The following PCDHA12 variants were observed in gnomAD, a reference collection of about 807,000 sequenced individuals.
PCDHA12 encodes protocadherin alpha-12.
A neutral mutation model predicts 60.0 loss-of-function variants in PCDHA12; 44 were observed. The ratio of observed to expected loss-of-function variants is 0.73; its 90% CI spans 0.58 to 0.94. The LOEUF is 0.94. PCDHA12 is among the 40% of genes least tolerant of loss of function. The pLI is 0.00. For synonymous variants in PCDHA12, 569 were observed against 553.0 expected (o/e 1.03, Z -0.40); for missense variants, 1,276 against 1,239.7 (o/e 1.03, Z -0.44).
intron 1 of PCDHA12, among the ~76,000 whole-genome samples, chr5:140,960,137 T>C (rs2095528767): frequency 6.6e-6 from 1 of 152,232 alleles, no homozygotes; most frequent in African/African-American, 2.4e-5. Flanking sequence ...AATACTTAGA[T>C]ATTAATAGCT....
At chr5:140,941,196 TTTCTTC>T (rs1563183935) in intron 1 of PCDHA12, among the ~76,000 whole-genome samples, 3 of 111,280 alleles carry the variant, frequency 2.7e-5, no homozygotes, top group East Asian at 2.3e-4. Context: ...TTTTTTTTTC[TTTCTTC>T]CTTTCTTTCT....
At chr5:140,920,868 T>C (rs1248971730) in intron 1 of PCDHA12, among the ~76,000 whole-genome samples, 4 of 149,716 alleles carry the variant, frequency 2.7e-5, no homozygotes, top group Non-Finnish European at 1.5e-5. Context: ...ACAAACAAAC[T>C]GTGGCCCTTA....
intron 2 of PCDHA12, among the ~76,000 whole-genome samples, chr5:140,980,920 A>T (rs1040099192): frequency 1.3e-5 from 2 of 152,166 alleles, no homozygotes; most frequent in African/African-American, 4.8e-5. Context: ...TCTTTAAAAA[A>T]TTCTGCTTTG....
chr5:140,916,068 C>G (rs928159450), intron 1 of PCDHA12, among the ~76,000 whole-genome samples: 1 of 152,166 alleles, frequency 6.6e-6, no homozygotes, highest in African/African-American at 2.4e-5. Context: ...TCCCTGTGGC[C>G]AGTACTACCA....
At chr5:140,955,163 TTTGG>T (rs1445630947) in intron 1 of PCDHA12, among the ~76,000 whole-genome samples, 2 of 152,184 alleles carry the variant, frequency 1.3e-5, no homozygotes, top group Admixed American at 6.5e-5. Flanking sequence ...ACCGTGCTGT[TTTGG>T]TTACTGTAGT....
chr5:140,882,169 C>A, intron 1 of PCDHA12: 1 of 1,511,484 alleles, frequency 6.6e-7, no homozygotes, highest in Non-Finnish European at 8.8e-7. Flanking sequence ...TCTTGCGAAT[C>A]CTTCCGCACT....
intron 1 of PCDHA12, chr5:140,967,445 C>T (rs782571799): frequency 3.1e-6 from 5 of 1,613,550 alleles, no homozygotes; most frequent in Non-Finnish European, 4.2e-6. Flanking sequence ...CCACCTGGTT[C>T]TCACAGCCGT....
At position 140,928,265 on chromosome 5, in the gene PCDHA12, A is replaced by G. The variant is rs1208273188; in HGVS notation, c.2367+50426A>G. ...CAGGAACTTTTCGTTGCTGAAAACA[A>G]TGGCCCTGGGGCCTCTCTAGGCCGA... On this transcript the variant is annotated intron_variant, in intron 1 of 3. Coordinates refer to ENST00000398631, the MANE Select transcript of PCDHA12 (RefSeq NM_018903.4). The G allele has an allele frequency of 3.1e-6, 5 of 1,614,188 alleles. No individual in the cohort carries two copies. In the South Asian group the frequency reaches 3.3e-5, roughly 11 times the overall value.
At chr5:140,910,095 C>T (rs1011405673) in intron 1 of PCDHA12, among the ~76,000 whole-genome samples, 1 of 152,188 alleles carries the variant, frequency 6.6e-6, no homozygotes, top group Non-Finnish European at 1.5e-5. Flanking sequence ...GAACCAGCCT[C>T]CCCTTCATTT....
rs782634199 is a variant in PCDHA12 at position 140,882,705 on chromosome 5, G to A, written c.2367+4866G>A. The A allele has an allele frequency of 3.7e-6, 6 of 1,614,172 alleles. No individual in the cohort carries two copies. The South Asian group carries it at 6.6e-5, about 18-fold the overall frequency. On this transcript the variant is annotated intron_variant, in intron 1 of 3. Transcript: ENST00000398631. ...AAACGAATAATCATTGCAGAATCTA[G>A]ACCTCCGGAAACTCGATTTCCACTA...
intron 3 of PCDHA12, among the ~76,000 whole-genome samples, chr5:140,993,462 TCA>T (rs3836747): frequency 0.093 from 13,122 of 140,864 alleles, 629 homozygotes; most frequent in African/African-American, 0.12. Flanking sequence ...TCTTTCTTTC[TCA>T]CACACACACA....
intron 1 of PCDHA12, among the ~76,000 whole-genome samples, chr5:140,937,820 G>T (rs554138611): frequency 2.6e-5 from 4 of 151,792 alleles, no homozygotes; most frequent in African/African-American, 9.7e-5. Flanking sequence ...GCTGAGGCAG[G>T]AGAATGGCAT....
chr5:140,940,494 G>C (rs553813143), intron 1 of PCDHA12, among the ~76,000 whole-genome samples: 1 of 151,724 alleles, frequency 6.6e-6, no homozygotes, highest in East Asian at 1.9e-4. Context: ...GACAAGTCTT[G>C]CTCCGTCGCT....
rs955565578 is a variant in PCDHA12, at chr5:141,012,291, T to C, written c.*2354T>C. 6 of 153,804 alleles carry C rather than the reference T, an allele frequency of 3.9e-5. No homozygotes were observed. The highest frequency in any genetic ancestry group is 9.6e-5 in the African/African-American group (4 of 41,478). The allele number at this position is 153,804 out of a possible 1,614,324, so 9.5% of individuals were successfully genotyped here. A position where few individuals can be genotyped will look rare whatever the true frequency, so the allele number is the denominator to read the frequency against. On this transcript the variant is annotated 3_prime_UTR_variant, in exon 4 of 4. Coordinates refer to ENST00000398631, the MANE Select transcript of PCDHA12 (RefSeq NM_018903.4). ...ACACGTCATGTGGATTCATTTTGAA[T>C]TGGTGCTATTGGTATTTCCTCTGTT...
At chr5:141,001,388 TAC>T (rs1234412755) in intron 3 of PCDHA12, among the ~76,000 whole-genome samples, 4 of 152,238 alleles carry the variant, frequency 2.6e-5, no homozygotes, top group Non-Finnish European at 5.9e-5. Flanking sequence ...CCTAAGATCC[TAC>T]AGAGAACAGG....
intron 1 of PCDHA12, chr5:140,927,951 T>G: frequency 6.2e-7 from 1 of 1,614,198 alleles, no homozygotes; most frequent in Non-Finnish European, 8.5e-7. Context: ...CTGAGGACGC[T>G]GCCCCTGGCA....
At chr5:140,898,965 G>A (rs2067069000) in intron 1 of PCDHA12, among the ~76,000 whole-genome samples, 1 of 152,044 alleles carries the variant, frequency 6.6e-6, no homozygotes, top group Non-Finnish European at 1.5e-5. Flanking sequence ...GTGAATGGGA[G>A]TTCACTCATG....
chr5:140,992,116 T>A (rs1279382326), intron 3 of PCDHA12, among the ~76,000 whole-genome samples: 1 of 151,688 alleles, frequency 6.6e-6, no homozygotes, highest in Non-Finnish European at 1.5e-5. Context: ...AGATGTGTCA[T>A]GGAAGAACAG....
chr5:141,005,133 T>C (rs559773723), intron 3 of PCDHA12, among the ~76,000 whole-genome samples: 3 of 152,328 alleles, frequency 2.0e-5, no homozygotes, highest in Admixed American at 6.5e-5. Context: ...AAGTGCCTCA[T>C]TGGAGAGTTG....
Sources: allele counts gnomAD v4.1 joint callset (sites outside exome capture counted in the v4.1 genomes callset), GRCh38; gene constraint gnomAD v4.1.1; transcripts MANE v1.5; gene names NCBI Gene and HGNC (gene_info 2026-07-23, HGNC 2026-07-21).